The following ADSS2 variants were observed in gnomAD, a reference collection of about 807,000 sequenced individuals.
ADSS2 encodes adenylosuccinate synthetase isozyme 2.
Under a neutral mutation model 60.0 loss-of-function variants are expected in ADSS2, and 30 were observed. That is an observed-to-expected ratio of 0.50 (90% confidence interval 0.37 to 0.68). The LOEUF (loss-of-function observed/expected upper bound fraction) is 0.68. ADSS2 is among the 30% of genes least tolerant of loss of function. The pLI, the probability that ADSS2 is intolerant of heterozygous loss-of-function variation, is 0.00. For synonymous variants in ADSS2, 187 were observed against 193.1 expected (o/e 0.97, Z 0.26); for missense variants, 373 against 554.8 (o/e 0.67, Z 3.29).
intron 4 of ADSS2, among the ~76,000 whole-genome samples, chr1:244,427,620 G>C (rs1166786281): frequency 6.6e-6 from 1 of 152,108 alleles, no homozygotes; most frequent in Non-Finnish European, 1.5e-5. Context: ...ATTATTAGAG[G>C]ATGGAAAGCG....
chr1:244,423,973 G>C lies in ADSS2; in HGVS notation c.561C>G (p.Asp187Glu). ...GTTACCTCTCAGAGAAGCCATCAAA[G>C]TCAGAAACAAGGTCGCACATCCTGA... Reference protein sequence around the residue: ...SGLRMCDLVSDFDGFSERFKV... With the variant: ...SGLRMCDLVSEFDGFSERFKV... The change falls in exon 6 of 13, where the codon GAC becomes GAG. Residue 187 changes from aspartate (D) to glutamate (E), a missense_variant. Asp to Glu is a conservative substitution (Grantham distance 45). Transcript: ENST00000366535. 1 of 1,612,156 alleles carries C rather than the reference G, an allele frequency of 6.2e-7. No homozygotes were observed.
chr1:244,437,657 T>C lies in ADSS2; in HGVS notation c.286+9A>G. On this transcript the variant is annotated intron_variant, in intron 2 of 12. Coordinates refer to ENST00000366535, the MANE Select transcript of ADSS2 (RefSeq NM_001126.5). ...GGGAATCTCCATGCAGTTCAGTTTA[T>C]ATACTTACCAATGAATGCAGTGACA... 2.6e-6 allele frequency: 4 copies of C among 1,546,346 alleles called. No individual in the cohort carries two copies. Among genetic ancestry groups the C allele is most frequent in the South Asian group, 1.1e-5 (1 of 89,606 alleles).
At chr1:244,444,890 C>G (rs1347288998) in intron 1 of ADSS2, among the ~76,000 whole-genome samples, 1 of 152,102 alleles carries the variant, frequency 6.6e-6, no homozygotes, top group Non-Finnish European at 1.5e-5. Flanking sequence ...TTTTCCTATA[C>G]AAAATTAACT....
In ADSS2 at chr1:244,409,086, AT is replaced by A. The variant is rs1664353102; in HGVS notation, c.*499del. Reference sequence around the variant, plus strand: ...ACAGCCCAAAATTTAAACAGAATTCATAGCATTACAAAAGTTTACAGAACCC... The same window carrying A: ...ACAGCCCAAAATTTAAACAGAATTCAAGCATTACAAAAGTTTACAGAACCC... On this transcript the variant is annotated 3_prime_UTR_variant, in exon 13 of 13. Coordinates refer to ENST00000366535, the MANE Select transcript of ADSS2 (RefSeq NM_001126.5). 6.5e-6 allele frequency: 1 copy of A among 152,780 alleles called. No individual in the cohort carries two copies. Among genetic ancestry groups the A allele is most frequent in the Non-Finnish European group, 1.5e-5 (1 of 68,134 alleles). The allele number at this position is 152,780 out of a possible 1,614,324, so 9.5% of individuals were successfully genotyped here.
At chr1:244,430,637 A>G (rs1664919209) in intron 4 of ADSS2, among the ~76,000 whole-genome samples, 1 of 152,230 alleles carries the variant, frequency 6.6e-6, no homozygotes, top group African/African-American at 2.4e-5. Context: ...GCCTTGCTTT[A>G]TCCACAACAG....
intron 11 of ADSS2, 148 bp downstream of exon 11, chr1:244,415,829 ATAAC>A: frequency 1.7e-6 from 1 of 595,364 alleles, no homozygotes. Context: ...TATGAACCAA[ATAAC>A]TAATAATAAG....
intron 3 of ADSS2, among the ~76,000 whole-genome samples, chr1:244,435,408 T>C (rs1434848529): frequency 6.6e-6 from 1 of 152,160 alleles, no homozygotes; most frequent in Non-Finnish European, 1.5e-5. Context: ...GGGGCTCAAA[T>C]ATATACATGA....
intron 2 of ADSS2, among the ~76,000 whole-genome samples, chr1:244,437,397 A>G (rs1665132504): frequency 6.6e-6 from 1 of 152,228 alleles, no homozygotes; most frequent in Non-Finnish European, 1.5e-5. Flanking sequence ...AACTGATTCA[A>G]TGATCTAATA....
In ADSS2 at chr1:244,420,210, C is replaced by T; in HGVS notation, c.750G>A (p.Leu250=). Residue 250 remains leucine, a synonymous_variant, in exon 8 of 13, where the codon TTG becomes TTA. Coordinates refer to ENST00000366535, the MANE Select transcript of ADSS2 (RefSeq NM_001126.5). Reference sequence around the variant, plus strand: ...ATAGTGCTGCATTTGCACCTTCTACCAAGATTTTCTTTGGTGGTCCATGTA... The same window carrying T: ...ATAGTGCTGCATTTGCACCTTCTACTAAGATTTTCTTTGGTGGTCCATGTA... ...EALHGPPKKI[L]VEGANAALLD... 1 of 1,613,804 alleles carries T rather than the reference C, an allele frequency of 6.2e-7. No individual in the cohort carries two copies.
chr1:244,442,870 C>CAG (rs1387318414), intron 1 of ADSS2, among the ~76,000 whole-genome samples: 4 of 152,024 alleles, frequency 2.6e-5, no homozygotes, highest in East Asian at 1.9e-4. Flanking sequence ...TGTCCTCAAA[C>CAG]AGAGATTATA....
At chr1:244,449,544 A>C (rs1277193285) in intron 1 of ADSS2, among the ~76,000 whole-genome samples, 1 of 152,232 alleles carries the variant, frequency 6.6e-6, no homozygotes, top group Non-Finnish European at 1.5e-5. Flanking sequence ...AACTTCATTA[A>C]GTAGATGCCA....
At chr1:244,440,593 G>A (rs1473547872) in intron 1 of ADSS2, among the ~76,000 whole-genome samples, 5 of 152,008 alleles carry the variant, frequency 3.3e-5, no homozygotes, top group South Asian at 4.1e-4. Flanking sequence ...AGAAATTCCC[G>A]CATATGATAC....
At chr1:244,435,492 G>C (rs1204137374) in intron 3 of ADSS2, among the ~76,000 whole-genome samples, 2 of 151,770 alleles carry the variant, frequency 1.3e-5, no homozygotes, top group African/African-American at 4.8e-5. Flanking sequence ...ATAATTTTGT[G>C]CATGAAACGA....
At position 244,451,785 on chromosome 1, in the gene ADSS2, G is replaced by A. The variant is rs747337269; in HGVS notation, c.33C>T (p.Ser11=). Residue 11 remains serine, a synonymous_variant, in exon 1 of 13, where the codon TCC becomes TCT. Transcript: ENST00000366535. The surrounding 1 kb of genome is among the most constrained non-coding windows in gnomAD (Gnocchi z 6.6). The stretch of plus-strand genomic sequence containing the variant: ...GGCCGCAATCGCCGTTGGGCAGGGA[G>A]GATGCCGCCGGGTAGGTCTCGGCGA... MAFAETYPAA[S]SLPNGDCGRP... is the part of the protein sequence containing the mutation. 6.3e-7 allele frequency: 1 copy of A among 1,597,148 alleles called. No homozygotes were observed. Among genetic ancestry groups the A allele is most frequent in the Non-Finnish European group, 8.5e-7 (1 of 1,172,774 alleles).
rs576716955 is a variant in ADSS2, at chr1:244,437,776, G to A, written c.184-8C>T. The A allele has an allele frequency of 6.4e-7, 1 of 1,557,182 alleles. No homozygotes were observed. The highest frequency in any genetic ancestry group is 1.4e-5 in the African/African-American group (1 of 73,748). On this transcript the variant is annotated splice_region_variant and splice_polypyrimidine_tract_variant and intron_variant, in intron 1 of 12. Transcript: ENST00000366535. ...GCCAGCATTATTTCCTCCCTAAAATGTAAGATAGGGGAAAATTGAGCCTGA... is the reference window on the plus strand; with the variant it reads ...GCCAGCATTATTTCCTCCCTAAAATATAAGATAGGGGAAAATTGAGCCTGA...
At chr1:244,411,239 G>A (rs780733724) in intron 12 of ADSS2, 48 bp downstream of exon 12, 7 of 1,467,866 alleles carry the variant, frequency 4.8e-6, no homozygotes, top group Middle Eastern at 2.5e-4. Context: ...AAAGAAAAAA[G>A]AGAGAGAGAG....
In ADSS2 at chr1:244,432,593, G is replaced by C. The variant is rs141878476; in HGVS notation, c.358C>G (p.Leu120Val). Residue 120 changes from leucine (L) to valine (V), a missense_variant and splice_region_variant, in exon 4 of 13, where the codon CTA (leucine) becomes GTA (valine). Coordinates refer to ENST00000366535, the MANE Select transcript of ADSS2 (RefSeq NM_001126.5). ...AEKNVQKGKG[L>V]EGWEKRLIIS... Reference sequence around the variant, plus strand: ...ATAAGCCTTTTTTCCCAGCCTTCTAGTCCTAGAAAGGGGAAAAAGATATAT... The same window carrying C: ...ATAAGCCTTTTTTCCCAGCCTTCTACTCCTAGAAAGGGGAAAAAGATATAT... 1.3e-6 allele frequency: 2 copies of C among 1,547,378 alleles called. No individual in the cohort carries two copies. Among genetic ancestry groups the C allele is most frequent in the African/African-American group, 2.8e-5 (2 of 70,980 alleles).
intron 4 of ADSS2, among the ~76,000 whole-genome samples, chr1:244,429,254 C>T (rs748549082): frequency 6.6e-6 from 1 of 152,174 alleles, no homozygotes; most frequent in Non-Finnish European, 1.5e-5. Flanking sequence ...CATTTCAAAG[C>T]CTATAGTTTT....
chr1:244,439,310 C>T (rs1665178612), intron 1 of ADSS2, among the ~76,000 whole-genome samples: 1 of 152,170 alleles, frequency 6.6e-6, no homozygotes, highest in African/African-American at 2.4e-5. Context: ...CAAAGAGTTC[C>T]TTATCTGCCT....
Sources: allele counts gnomAD v4.1 joint callset (sites outside exome capture counted in the v4.1 genomes callset), GRCh38; gene constraint gnomAD v4.1.1; non-coding constraint Gnocchi (gnomAD v3.1); transcripts MANE v1.5; gene names NCBI Gene and HGNC (gene_info 2026-07-23, HGNC 2026-07-21).